DGKQ: variants seen among roughly 807,000 people sequenced by gnomAD.
DGKQ encodes diacylglycerol kinase theta, also known as DAG kinase theta.
A neutral mutation model predicts 104.2 loss-of-function variants in DGKQ; 97 were observed. The ratio of observed to expected loss-of-function variants is 0.93; its 90% CI spans 0.79 to 1.10. DGKQ has a LOEUF of 1.10. DGKQ is among the 50% of genes least tolerant of loss of function. The probability of loss-of-function intolerance (pLI) is 0.00; values close to 1 mark genes in which losing one functional copy is unlikely to be tolerated. For synonymous variants in DGKQ, 736 were observed against 595.2 expected (o/e 1.24, Z -3.44); for missense variants, 1,465 against 1,352.1 (o/e 1.08, Z -1.31).
intron 18 of DGKQ, 106 bp downstream of exon 18, chr4:962,329 G>C: frequency 8.5e-7 from 1 of 1,177,006 alleles, no homozygotes; most frequent in Non-Finnish European, 1.2e-6. Flanking sequence ...GGATGATGCG[G>C]GCGCGTACAC....
At position 962,781 on chromosome 4, in the gene DGKQ, G is replaced by C. The variant is rs763389526; in HGVS notation, c.2026C>G (p.Leu676Val). The C allele has an allele frequency of 6.2e-7, 1 of 1,605,592 alleles. No homozygotes were observed. Among genetic ancestry groups the C allele is most frequent in the Non-Finnish European group, 8.5e-7 (1 of 1,177,000 alleles). The change falls in exon 17 of 23, where the codon CTG (leucine) becomes GTG (valine). Residue 676 changes from leucine to valine, a missense_variant. Physicochemically the swap from Leu to Val is conservative, Grantham distance 32. Coordinates refer to ENST00000273814, the MANE Select transcript of DGKQ (RefSeq NM_001347.4). ...GCACGGCTGAGCCCACCTGTGCCCA[G>C]GGGCAGGATGGCCACAGAAGGCTCC... Reference protein sequence around the residue: ...CPEPSVAILPLGTGNDLGRVL... With the variant: ...CPEPSVAILPVGTGNDLGRVL...
Position 968,898 on chromosome 4 carries a change from G to T in DGKQ, c.364C>A (p.His122Asn). Reference sequence around the variant, plus strand: ...TGGAGCCCCCGGGGGCCGAAGCAGTGGGCTACAGGAACCTGGTGGGGCAGC... The same window carrying T: ...TGGAGCCCCCGGGGGCCGAAGCAGTTGGCTACAGGAACCTGGTGGGGCAGC... ...APSLVRVPVA[H>N]CFGPRGLHKR... The change falls in exon 3 of 23, where the codon CAC (histidine) becomes AAC (asparagine). Residue 122 changes from histidine to asparagine, a missense_variant. Transcript: ENST00000273814. 6.3e-7 allele frequency: 1 copy of T among 1,592,510 alleles called. No homozygotes were observed. The highest frequency in any genetic ancestry group is 1.1e-5 in the South Asian group (1 of 89,396).
chr4:961,882 C>T (rs1711915643), intron 19 of DGKQ, 48 bp from the exon 20 acceptor site: 6 of 1,598,102 alleles, frequency 3.8e-6, no homozygotes, highest in Non-Finnish European at 5.1e-6. Flanking sequence ...CCCTACCCCG[C>T]CTTAGGCAGC....
At position 963,239 on chromosome 4, in the gene DGKQ, TG is replaced by T; in HGVS notation, c.1785del (p.Lys596ArgfsTer18). On this transcript the variant is annotated frameshift_variant, in exon 16 of 23. Transcript: ENST00000273814. LOFTEE classifies it high-confidence loss of function. ...DSCPLLVFVN[P>X]KSGGLKGRDL... ...TCTCGGCCCTTGAGGCCTCCACTCT[TG>T]GGGTTCACGAACACAAGGAGGGGAC... The T allele has an allele frequency of 6.2e-7, 1 of 1,611,256 alleles. No individual in the cohort carries two copies. Among genetic ancestry groups the T allele is most frequent in the Non-Finnish European group, 8.5e-7 (1 of 1,178,656 alleles).
Position 967,153 on chromosome 4 carries a change from A to G in DGKQ, c.1196T>C (p.Leu399Pro). 1 of 1,597,578 alleles carries G rather than the reference A, an allele frequency of 6.3e-7. No individual in the cohort carries two copies. Among genetic ancestry groups the G allele is most frequent in the Non-Finnish European group, 8.5e-7 (1 of 1,172,572 alleles). ...CTTGAGCCAGCCAGGGTAGATCTTCAGGACCTCCTGGGCCCGCGGCAGAGC... is the reference window on the plus strand; with the variant it reads ...CTTGAGCCAGCCAGGGTAGATCTTCGGGACCTCCTGGGCCCGCGGCAGAGC... ...IRALPRAQEV[L>P]KIYPGWLKVG... The change falls in exon 9 of 23, where the codon CTG becomes CCG. Residue 399 changes from leucine (L) to proline (P), a missense_variant. Physicochemically the swap from Leu to Pro is moderately conservative, Grantham distance 98 (BLOSUM62 -3). Transcript: ENST00000273814.
At chr4:962,675 A>AC in intron 17 of DGKQ, 62 bp from the exon 18 acceptor site, 1 of 1,589,494 alleles carries the variant, frequency 6.3e-7, no homozygotes, top group East Asian at 2.2e-5. Context: ...CTGGGTGCAG[A>AC]CCCCACCACG....
At position 962,533 on chromosome 4, in the gene DGKQ, C is replaced by T; in HGVS notation, c.2116G>A (p.Glu706Lys). The part of the protein sequence containing the change: ...DPFSVLLSVD[E>K]ADAVLMDRWT... The stretch of plus-strand genomic sequence containing the variant: ...CGGTCCATGAGCACGGCGTCGGCCT[C>T]GTCCACAGACAGCAGTACGGAGAAC... The change falls in exon 18 of 23, where the codon GAG becomes AAG. Residue 706 changes from glutamate to lysine, a missense_variant. Physicochemically the swap from Glu to Lys is moderately conservative, Grantham distance 56. Transcript: ENST00000273814. The T allele has an allele frequency of 1.2e-6, 2 of 1,610,256 alleles. No homozygotes were observed. Among genetic ancestry groups the T allele is most frequent in the Non-Finnish European group, 1.7e-6 (2 of 1,179,928 alleles).
rs13434484 is a variant in DGKQ, at chr4:967,018, C to A, written c.1257G>T (p.Pro419=). The change falls in exon 10 of 23, where the codon CCG becomes CCT. Residue 419 remains proline, a synonymous_variant. Transcript: ENST00000273814. ...GVAYVSVRVT[P]KSTARSVVLE... ...GCACCACAGAGCGGGCCGTGCTCTT[C>A]GGGGTCACTCGCACGGACACGTAGG... 2.5e-3 allele frequency: 3,935 copies of A among 1,563,360 alleles called. 84 individuals are homozygous for A. In the African/African-American group the frequency reaches 0.048, roughly 19 times the overall value.
Position 960,741 on chromosome 4 carries a change from A to G in DGKQ, c.2728-20T>C. ...GTGCACCTGTCCCAGGGCAGGGGACAGAGGACCAGGGTGACATGGCCGATG... is the reference window on the plus strand; with the variant it reads ...GTGCACCTGTCCCAGGGCAGGGGACGGAGGACCAGGGTGACATGGCCGATG... On this transcript the variant is annotated intron_variant, in intron 22 of 22. Transcript: ENST00000273814. 1 of 1,610,146 alleles carries G rather than the reference A, an allele frequency of 6.2e-7. No homozygotes were observed. Among genetic ancestry groups the G allele is most frequent in the South Asian group, 1.1e-5 (1 of 91,030 alleles).
At position 973,364 on chromosome 4, in the gene DGKQ, C is replaced by T. The variant is rs2153012121; in HGVS notation, c.119G>A (p.Gly40Glu). ...GSGGRARPGP[G>E]PGPGPERAGV... ...CGCCCGCTCGGGTCCCGGCCCCGGC[C>T]CCGGCCCCGGGCGCGCGCGGCCTCC... The change falls in exon 1 of 23, where the codon GGG (glycine) becomes GAG (glutamate). Residue 40 changes from glycine to glutamate, a missense_variant. Physicochemically the swap from Gly to Glu is moderately conservative, Grantham distance 98. Transcript: ENST00000273814. 8.4e-7 allele frequency: 1 copy of T among 1,183,984 alleles called. No individual in the cohort carries two copies. The highest frequency in any genetic ancestry group is 1.0e-6 in the Non-Finnish European group (1 of 956,838). The allele number at this position is 1,183,984 out of a possible 1,614,324, so 73.3% of individuals were successfully genotyped here.
At position 971,409 on chromosome 4, in the gene DGKQ, C is replaced by T. The variant is rs1431856766; in HGVS notation, c.272-337G>A. 6.6e-6 allele frequency among the ~76,000 whole-genome samples: 1 copy of T among 152,238 alleles called. No homozygotes were observed. The highest frequency in any genetic ancestry group is 2.4e-5 in the African/African-American group (1 of 41,466). Reference sequence around the variant, plus strand: ...GGGGCAGCCCTGGGCTCACCAGGTTCGCCAGGTGGCAGGGGCTTCTCGGCC... The same window carrying T: ...GGGGCAGCCCTGGGCTCACCAGGTTTGCCAGGTGGCAGGGGCTTCTCGGCC... On this transcript the variant is annotated intron_variant, in intron 1 of 22. Transcript: ENST00000273814. This position sits in a 1 kb window ranked among gnomAD's most constrained non-coding sequence, Gnocchi z 4.0.
intron 13 of DGKQ, 70 bp from the exon 14 acceptor site, chr4:965,599 C>T: frequency 6.5e-7 from 1 of 1,543,590 alleles, no homozygotes; most frequent in Non-Finnish European, 8.8e-7. Context: ...AGGGACAGCC[C>T]CTCCGCCTGT....
chr4:967,422 G>T, intron 8 of DGKQ, 61 bp from the exon 9 acceptor site: 4 of 825,172 alleles, frequency 4.8e-6, no homozygotes, highest in Non-Finnish European at 7.7e-6. Context: ...TCAGTGGGGG[G>T]CAGGTCATGG....
chr4:965,295 C>T lies in DGKQ; in HGVS notation c.1619-4G>A, dbSNP rs186280586. On this transcript the variant is annotated splice_polypyrimidine_tract_variant and splice_region_variant and intron_variant, in intron 14 of 22. Coordinates refer to ENST00000273814, the MANE Select transcript of DGKQ (RefSeq NM_001347.4). Reference sequence around the variant, plus strand: ...GCAACGTCCAACACTACCGCGCCTGCGGCAGGAGCCCAGGACTCAGGGGGA... The same window carrying T: ...GCAACGTCCAACACTACCGCGCCTGTGGCAGGAGCCCAGGACTCAGGGGGA... 1.6e-4 allele frequency: 257 copies of T among 1,611,734 alleles called. 1 individual carries two copies. The African/African-American group carries it at 3.0e-3, about 19-fold the overall frequency.
At chr4:968,134 C>T in intron 5 of DGKQ, 107 bp from the exon 6 acceptor site, 1 of 908,566 alleles carries the variant, frequency 1.1e-6, no homozygotes, top group Non-Finnish European at 1.6e-6. Context: ...ACCTGGACCC[C>T]GTGTCCTTCC....
intron 18 of DGKQ, 52 bp downstream of exon 18, chr4:962,383 C>T (rs901069356): frequency 1.1e-5 from 17 of 1,491,824 alleles, no homozygotes; most frequent in Admixed American, 4.1e-5. Flanking sequence ...ACGCGTGTAG[C>T]GGGGTCATAT....
intron 15 of DGKQ, 26 bp from the exon 16 acceptor site, chr4:963,316 A>G: frequency 6.3e-7 from 1 of 1,582,388 alleles, no homozygotes; most frequent in Non-Finnish European, 8.6e-7. Context: ...CTGGGTTAGG[A>G]TGGGGACCCA....
intron 11 of DGKQ, 90 bp downstream of exon 11, chr4:966,658 T>G (rs1712372308): frequency 6.6e-7 from 1 of 1,511,962 alleles, no homozygotes; most frequent in East Asian, 2.4e-5. Context: ...GGCCTTGATG[T>G]CCGGCACCAC....
intron 13 of DGKQ, 62 bp from the exon 14 acceptor site, chr4:965,591 G>T: frequency 6.3e-7 from 1 of 1,574,980 alleles, no homozygotes; most frequent in African/African-American, 1.3e-5. Flanking sequence ...CTGGGGCCAG[G>T]GACAGCCCCT....
Sources: gnomAD v4.1 joint callset for allele counts (sites outside exome capture counted in the v4.1 genomes callset) on GRCh38, gnomAD v4.1.1 for gene constraint, Gnocchi (gnomAD v3.1) non-coding constraint, MANE v1.5 for transcripts, NCBI Gene and HGNC (gene_info 2026-07-23, HGNC 2026-07-21) for gene names.